The following CYP4Z1 variants were observed in gnomAD, a reference collection of about 807,000 sequenced individuals.
The protein encoded by CYP4Z1 is cytochrome P450 4Z1.
In CYP4Z1, 41 loss-of-function variants were observed where a neutral mutation model predicts 54.2. The ratio of observed to expected loss-of-function variants is 0.76; its 90% CI spans 0.59 to 0.98. The LOEUF (loss-of-function observed/expected upper bound fraction) is 0.98, where lower values mean the gene tolerates loss of function less well. CYP4Z1 is among the 50% of genes least tolerant of loss of function. The pLI is 0.00. For missense variants in CYP4Z1, 513 were observed against 599.0 expected, an observed-to-expected ratio of 0.86 and a Z score of 1.50; for synonymous variants, 163 against 206.2, an observed-to-expected ratio of 0.79 and a Z score of 1.79.
chr1:47,061,779 T>C, the CYP4Z1 span, among the ~76,000 whole-genome samples: 3 of 152,098 alleles, frequency 2.0e-5, no homozygotes, highest in African/African-American at 7.2e-5. Context: ...TGCAAAAATC[T>C]TCAACAAAAT....
Position 47,118,075 on chromosome 1 carries a change from T to C in CYP4Z1, c.*141T>C, listed in dbSNP as rs1644844027. ...AGGATACTTCTGACTGGTTTTGACA[T>C]CCATTAACAGTAATTTTAATTTCTT... is the stretch of plus-strand genomic sequence containing the variant. On this transcript the variant is annotated 3_prime_UTR_variant, in exon 12 of 12. Transcript: ENST00000334194. 1.0e-5 allele frequency: 9 copies of C among 862,958 alleles called. No homozygotes were observed. The highest frequency in any genetic ancestry group is 2.9e-5 in the South Asian group (1 of 34,638). 53.5% of individuals were successfully genotyped at this position (862,958 alleles called of 1,614,324 possible).
At chr1:47,084,356 A>G (rs1170811531) in intron 4 of CYP4Z1, among the ~76,000 whole-genome samples, 1 of 151,522 alleles carries the variant, frequency 6.6e-6, no homozygotes, top group African/African-American at 2.4e-5. Flanking sequence ...GATAAAAGTC[A>G]TATAAATTGT....
intron 8 of CYP4Z1, among the ~76,000 whole-genome samples, chr1:47,104,357 T>C (rs935701498): frequency 1.3e-5 from 2 of 152,198 alleles, no homozygotes; most frequent in Non-Finnish European, 2.9e-5. Context: ...AGGCTGAGCA[T>C]GCCCGTTCTT....
At chr1:47,084,539 G>A (rs878987666) in intron 4 of CYP4Z1, 81 bp from the exon 5 acceptor site, 2 of 1,561,420 alleles carry the variant, frequency 1.3e-6, no homozygotes, top group African/African-American at 1.4e-5. Flanking sequence ...AACCCAGCAA[G>A]CTCTAAAAGG....
chr1:47,100,784 T>A (rs1448811628), intron 8 of CYP4Z1, among the ~76,000 whole-genome samples: 1 of 152,246 alleles, frequency 6.6e-6, no homozygotes, highest in Non-Finnish European at 1.5e-5. Context: ...AGTTCAGTAC[T>A]ATCCATGGTT....
At chr1:47,084,066 T>C (rs552524431) in intron 4 of CYP4Z1, among the ~76,000 whole-genome samples, 1 of 152,280 alleles carries the variant, frequency 6.6e-6, no homozygotes, top group African/African-American at 2.4e-5. Flanking sequence ...TTTTCTGGGA[T>C]ATTGGCAGGT....
At chr1:47,107,584 T>C (rs1451808683) in intron 9 of CYP4Z1, among the ~76,000 whole-genome samples, 2 of 152,132 alleles carry the variant, frequency 1.3e-5, no homozygotes, top group Non-Finnish European at 2.9e-5. Context: ...TTTACTACCT[T>C]TTCCCTTAAT....
intron 7 of CYP4Z1, among the ~76,000 whole-genome samples, chr1:47,097,655 C>T (rs1348101173): frequency 6.6e-6 from 1 of 151,916 alleles, no homozygotes; most frequent in Admixed American, 6.6e-5. Context: ...CTATTCTGTT[C>T]CATTGGTCTC....
chr1:47,066,994 A>C (rs1644454854), upstream of CYP4Z1, among the ~76,000 whole-genome samples: 1 of 152,156 alleles, frequency 6.6e-6, no homozygotes, highest in Admixed American at 6.5e-5. Flanking sequence ...GGATTTTGAT[A>C]ATCAGGGAAG....
chr1:47,115,404 A>G, intron 9 of CYP4Z1, 125 bp from the exon 10 acceptor site: 1 of 798,380 alleles, frequency 1.3e-6, no homozygotes, highest in Non-Finnish European at 2.0e-6. Context: ...TATGTAACAA[A>G]CCTTCATGTT....
chr1:47,067,294 G>A lies in CYP4Z1; in HGVS notation c.-197G>A, dbSNP rs528660840. On this transcript the variant is annotated 5_prime_UTR_variant, in exon 1 of 12. Transcript: ENST00000334194. ...AAAATCTTGTTCTTCTAGAATCCAG[G>A]TCTGCTGGCCAACATCTCAGCAGTT... is the stretch of plus-strand genomic sequence containing the variant. Among the ~76,000 whole-genome samples the A allele has an allele frequency of 3.9e-5, 6 of 152,272 alleles. No individual in the cohort carries two copies. The South Asian group carries it at 1.0e-3, about 26-fold the overall frequency.
chr1:47,103,300 C>T (rs1477320655), intron 8 of CYP4Z1, among the ~76,000 whole-genome samples: 1 of 151,842 alleles, frequency 6.6e-6, no homozygotes, highest in African/African-American at 2.4e-5. Context: ...CTGTTTCAGC[C>T]TTCCAAGTAG....
intron 8 of CYP4Z1, among the ~76,000 whole-genome samples, chr1:47,103,528 G>A (rs183184834): frequency 6.7e-6 from 1 of 148,260 alleles, no homozygotes; most frequent in Non-Finnish European, 1.5e-5. Flanking sequence ...TTTCTTGTCT[G>A]ACTTCTTTTT....
chr1:47,064,975 T>G (rs1484514664), upstream of CYP4Z1, among the ~76,000 whole-genome samples: 1 of 152,272 alleles, frequency 6.6e-6, no homozygotes, highest in South Asian at 2.1e-4. Flanking sequence ...GATAAAAGGA[T>G]TAGTCCAACA....
upstream of CYP4Z1, among the ~76,000 whole-genome samples, chr1:47,066,772 C>T (rs1481775662): frequency 6.6e-6 from 1 of 152,012 alleles, no homozygotes; most frequent in African/African-American, 2.4e-5. Flanking sequence ...CCTAAAGACT[C>T]ATCCAAAAAG....
intron 9 of CYP4Z1, 40 bp from the exon 10 acceptor site, chr1:47,115,489 T>A (rs773167541): frequency 6.4e-7 from 1 of 1,561,524 alleles, no homozygotes; most frequent in Admixed American, 1.9e-5. Flanking sequence ...GACAGAATCT[T>A]CGCTCATGCA....
chr1:47,109,813 G>C (rs570625578), intron 9 of CYP4Z1, among the ~76,000 whole-genome samples: 5 of 151,630 alleles, frequency 3.3e-5, no homozygotes, highest in African/African-American at 1.2e-4. Context: ...TTTTTTTCCA[G>C]GGAATCTTCA....
chr1:47,067,642 C>A lies in CYP4Z1; in HGVS notation c.152C>A (p.Ala51Asp). Reference sequence around the variant, plus strand: ...CTGCACCTGTTTCCTGCACCCCCTGCCCACTGGTTCTATGGCCACAAGGAG... The same window carrying A: ...CTGCACCTGTTTCCTGCACCCCCTGACCACTGGTTCTATGGCCACAAGGAG... Reference protein sequence around the residue: ...RALHLFPAPPAHWFYGHKEFY... With the variant: ...RALHLFPAPPDHWFYGHKEFY... The change falls in exon 1 of 12, where the codon GCC becomes GAC. Residue 51 changes from alanine to aspartate, a missense_variant. Coordinates refer to ENST00000334194, the MANE Select transcript of CYP4Z1 (RefSeq NM_178134.3). 1.2e-6 allele frequency: 2 copies of A among 1,609,368 alleles called. No homozygotes were observed. Among genetic ancestry groups the A allele is most frequent in the Non-Finnish European group, 1.7e-6 (2 of 1,177,120 alleles).
chr1:47,113,779 C>T (rs1017068685), intron 9 of CYP4Z1, among the ~76,000 whole-genome samples: 1 of 152,072 alleles, frequency 6.6e-6, no homozygotes, highest in Non-Finnish European at 1.5e-5. Flanking sequence ...CAAACCGCTG[C>T]TCAATGAAAT....
Sources: gnomAD v4.1 joint callset for allele counts (sites outside exome capture counted in the v4.1 genomes callset) on GRCh38, gnomAD v4.1.1 for gene constraint, MANE v1.5 for transcripts, NCBI Gene and HGNC (gene_info 2026-07-23, HGNC 2026-07-21) for gene names.